RYR3: variants seen among roughly 807,000 people sequenced by gnomAD.
RYR3 encodes brain ryanodine receptor-calcium release channel.
RYR3 carries 207 observed loss-of-function variants against 584.3 expected under a neutral mutation model. The ratio of observed to expected loss-of-function variants is 0.35; its 90% CI spans 0.32 to 0.40. The LOEUF (loss-of-function observed/expected upper bound fraction) is 0.40, where lower values mean the gene tolerates loss of function less well. Ranked by LOEUF, RYR3 falls within the 10% of genes least tolerant of loss-of-function variation. The pLI, the probability that RYR3 is intolerant of heterozygous loss-of-function variation, is 1.00. For synonymous variants in RYR3, 2,416 were observed against 2,248.5 expected (o/e 1.07, Z -2.11); for missense variants, 5,616 against 6,089.2 (o/e 0.92, Z 2.59).
intron 27 of RYR3, among the ~76,000 whole-genome samples, chr15:33,643,926 T>G (rs532750693): frequency 3.3e-5 from 5 of 152,286 alleles, no homozygotes; most frequent in African/African-American, 1.2e-4. Context: ...CTGCATTGTT[T>G]TGGGTAGTAG....
chr15:33,394,826 G>T (rs2042206057), intron 1 of RYR3, among the ~76,000 whole-genome samples: 1 of 152,190 alleles, frequency 6.6e-6, no homozygotes, highest in South Asian at 2.1e-4. Context: ...AAGAGGGAGA[G>T]AAATTGATTT....
At chr15:33,675,021 G>A (rs1247882457) in intron 38 of RYR3, among the ~76,000 whole-genome samples, 2 of 152,216 alleles carry the variant, frequency 1.3e-5, no homozygotes, top group Non-Finnish European at 2.9e-5. Flanking sequence ...GGTGAACCCA[G>A]GAGGCGGAGC....
chr15:33,745,305 C>T (rs1206286542), intron 52 of RYR3, among the ~76,000 whole-genome samples: 3 of 150,080 alleles, frequency 2.0e-5, no homozygotes, highest in South Asian at 2.1e-4. Flanking sequence ...GGAGTTTCTG[C>T]GCTGGAAGTA....
intron 1 of RYR3, among the ~76,000 whole-genome samples, chr15:33,443,987 C>G (rs1398744528): frequency 6.6e-6 from 1 of 152,194 alleles, no homozygotes; most frequent in African/African-American, 2.4e-5. Flanking sequence ...TACTCACACC[C>G]TGTAGGTTAT....
chr15:33,346,964 C>T (rs1972535373), intron 1 of RYR3, among the ~76,000 whole-genome samples: 1 of 152,070 alleles, frequency 6.6e-6, no homozygotes, highest in Non-Finnish European at 1.5e-5. Context: ...AATAGCTGGG[C>T]ATGGTGGTGG....
rs113646851 is a variant in RYR3, at chr15:33,432,668, T to TGTGTGTGTGTGTGTGTGTG, written c.52-40751_52-40750insGTGTGTGTGTGTGTGTGTG. ...GGTGCCCACGACCACGCCTAGCTAA[T>TGTGTGTGTGTGTGTGTGTG]TGTGTGTGTGTGTGTGTGTGTGTGT... On this transcript the variant is annotated intron_variant, in intron 1 of 103. Coordinates refer to ENST00000634891, the MANE Select transcript of RYR3 (RefSeq NM_001036.6). Among the ~76,000 whole-genome samples the TGTGTGTGTGTGTGTGTGTG allele has an allele frequency of 3.5e-3, 465 of 132,196 alleles. 5 individuals are homozygous for TGTGTGTGTGTGTGTGTGTG. Among genetic ancestry groups the TGTGTGTGTGTGTGTGTGTG allele is most frequent in the African/African-American group, 0.013 (423 of 31,684 alleles). 86.7% of individuals were successfully genotyped at this position (132,196 alleles called of 152,430 possible). A position where few individuals can be genotyped will look rare whatever the true frequency, so the allele number is the denominator to read the frequency against.
chr15:33,545,412 C>T (rs983886848), intron 8 of RYR3, among the ~76,000 whole-genome samples: 3 of 152,006 alleles, frequency 2.0e-5, no homozygotes, highest in Non-Finnish European at 4.4e-5. Flanking sequence ...CACACTGGAG[C>T]AGACATGCAT....
chr15:33,865,074 G>A (rs3794588), intron 103 of RYR3, 57 bp from the exon 104 acceptor site: 1 of 1,386,472 alleles, frequency 7.2e-7, no homozygotes, highest in African/African-American at 1.4e-5. Flanking sequence ...AAAACAAACT[G>A]GGTTTTAGCT....
chr15:33,341,777 C>G (rs1162212899), intron 1 of RYR3, among the ~76,000 whole-genome samples: 1 of 151,990 alleles, frequency 6.6e-6, no homozygotes, highest in Non-Finnish European at 1.5e-5. Flanking sequence ...AGGTGATGTC[C>G]ACAGCTTGCA....
chr15:33,363,782 G>T (rs1246548629), intron 1 of RYR3, among the ~76,000 whole-genome samples: 1 of 152,206 alleles, frequency 6.6e-6, no homozygotes, highest in African/African-American at 2.4e-5. Context: ...GTGCTGTTCA[G>T]TGTGATAGCC....
intron 3 of RYR3, among the ~76,000 whole-genome samples, chr15:33,528,062 C>T (rs891579666): frequency 2.0e-5 from 3 of 152,152 alleles, no homozygotes; most frequent in Non-Finnish European, 4.4e-5. Flanking sequence ...TTCATGGAAA[C>T]GGAATGAGAC....
At chr15:33,607,718 T>C (rs566657112) in intron 18 of RYR3, among the ~76,000 whole-genome samples, 1 of 152,302 alleles carries the variant, frequency 6.6e-6, no homozygotes, top group African/African-American at 2.4e-5. Context: ...CATATTGTTA[T>C]TTTTTTCTAA....
At position 33,781,311 on chromosome 15, in the gene RYR3, T is replaced by C. The variant is rs571723625; in HGVS notation, c.9268+970T>C. Among the ~76,000 whole-genome samples, 11 of 152,342 alleles carry C rather than the reference T, an allele frequency of 7.2e-5. No homozygotes were observed. The South Asian group carries it at 2.3e-3, about 32-fold the overall frequency. On this transcript the variant is annotated intron_variant, in intron 65 of 103. Coordinates refer to ENST00000634891, the MANE Select transcript of RYR3 (RefSeq NM_001036.6). ...TTCTGAAGCAAAAATTACCCAACTG[T>C]AGGCTAATCAATATTAAGGGAAAAC...
rs193016968 is a variant in RYR3, at chr15:33,801,836, T to C, written c.9919-33T>C. 3.0e-5 allele frequency: 34 copies of C among 1,149,250 alleles called. No individual in the cohort carries two copies. The African/African-American group carries it at 3.7e-4, about 12-fold the overall frequency. The allele number at this position is 1,149,250 out of a possible 1,614,324, so 71.2% of individuals were successfully genotyped here. ...ATTTTTGGTTTACAGAACTTTCTTG[T>C]AATGTTTGCTGTTTCAATTCTTTCC... On this transcript the variant is annotated intron_variant, in intron 68 of 103. Transcript: ENST00000634891.
intron 83 of RYR3, 130 bp from the exon 84 acceptor site, chr15:33,826,542 C>T: frequency 1.2e-6 from 1 of 865,754 alleles, no homozygotes; most frequent in South Asian, 1.4e-5. Context: ...GGCTTTTCAC[C>T]ATTCATCCAA....
chr15:33,620,854 G>A (rs1053514860), intron 19 of RYR3, among the ~76,000 whole-genome samples: 1 of 152,216 alleles, frequency 6.6e-6, no homozygotes, highest in Non-Finnish European at 1.5e-5. Flanking sequence ...AGGGCACAGG[G>A]AATGTCATCT....
intron 8 of RYR3, 141 bp from the exon 9 acceptor site, chr15:33,547,989 T>G (rs2056373667): frequency 1.5e-6 from 1 of 651,796 alleles, no homozygotes; most frequent in African/African-American, 1.9e-5. Flanking sequence ...GTCTTCCCTC[T>G]TATTCTGGCT....
chr15:33,545,652 G>A (rs1025304401), intron 8 of RYR3, among the ~76,000 whole-genome samples: 2 of 152,176 alleles, frequency 1.3e-5, no homozygotes, highest in African/African-American at 4.8e-5. Flanking sequence ...GTTATTTGAT[G>A]TCTAGGTGAA....
intron 98 of RYR3, among the ~76,000 whole-genome samples, chr15:33,855,539 A>C (rs566775260): frequency 6.6e-6 from 1 of 152,196 alleles, no homozygotes; most frequent in South Asian, 2.1e-4. Flanking sequence ...TCCTCCATGA[A>C]TCTGATATAT....
Sources: allele counts gnomAD v4.1 joint callset (sites outside exome capture counted in the v4.1 genomes callset), GRCh38; gene constraint gnomAD v4.1.1; transcripts MANE v1.5; gene names NCBI Gene and HGNC (gene_info 2026-07-23, HGNC 2026-07-21).